COLEC10: variants seen among roughly 807,000 people sequenced by gnomAD.
COLEC10 encodes the protein collectin subfamily member 10.
COLEC10 carries 22 observed loss-of-function variants against 28.4 expected under a neutral mutation model. That is an observed-to-expected ratio of 0.78 (90% CI 0.55 to 1.11). COLEC10 has a LOEUF of 1.11. Among genes scored for constraint, COLEC10 ranks in the 50% least tolerant of loss-of-function variants. COLEC10 has a pLI of 0.00. For missense variants in COLEC10, 361 were observed against 344.1 expected (o/e 1.05, Z -0.39); for synonymous variants, 125 against 116.1 (o/e 1.08, Z -0.49).
chr8:119,078,089 G>A (rs1169683204), intron 1 of COLEC10, among the ~76,000 whole-genome samples: 2 of 152,200 alleles, frequency 1.3e-5, no homozygotes, highest in Non-Finnish European at 2.9e-5. Flanking sequence ...GGAGCACCAA[G>A]TCATGCATGA....
chr8:119,106,466 T>A lies in COLEC10; in HGVS notation c.*275T>A. Reference sequence around the variant, plus strand: ...TGCACGAGATAGTTGGTTGTCTATATGTCAAATGAGTTGTTCTCTTGGTAT... The same window carrying A: ...TGCACGAGATAGTTGGTTGTCTATAAGTCAAATGAGTTGTTCTCTTGGTAT... On this transcript the variant is annotated 3_prime_UTR_variant, in exon 6 of 6. Transcript: ENST00000332843. 3.1e-6 allele frequency: 1 copy of A among 325,962 alleles called. No individual in the cohort carries two copies. The highest frequency in any genetic ancestry group is 4.5e-5 in the South Asian group (1 of 22,264). The allele number at this position is 325,962 out of a possible 1,614,324, so 20.2% of individuals were successfully genotyped here. A position where few individuals can be genotyped will look rare whatever the true frequency, so the allele number is the denominator to read the frequency against.
At chr8:119,007,475 A>T (rs951999105) in intron 1 of COLEC10, among the ~76,000 whole-genome samples, 3 of 145,948 alleles carry the variant, frequency 2.1e-5, no homozygotes, top group African/African-American at 8.4e-5. Flanking sequence ...ATTGGGATTT[A>T]CCCATTTTGG....
chr8:119,078,990 TACAC>T (rs59453751), intron 1 of COLEC10, among the ~76,000 whole-genome samples: 4,391 of 142,812 alleles, frequency 0.031, 68 homozygotes, highest in South Asian at 0.043. Context: ...TGGGAAAACG[TACAC>T]ACACACACAC....
the COLEC10 span, among the ~76,000 whole-genome samples, chr8:118,965,956 G>A: frequency 6.6e-6 from 1 of 151,866 alleles, no homozygotes; most frequent in South Asian, 2.1e-4. Flanking sequence ...TCTAGTGAGG[G>A]GTTAAACTGA....
chr8:119,012,768 G>A (rs1586997493), intron 2 of COLEC10, among the ~76,000 whole-genome samples: 1 of 150,394 alleles, frequency 6.6e-6, no homozygotes, highest in East Asian at 1.9e-4. Context: ...AATTTTTGTA[G>A]TATTATTTTC....
chr8:119,099,489 G>A (rs148778269), intron 3 of COLEC10, among the ~76,000 whole-genome samples: 1 of 152,054 alleles, frequency 6.6e-6, no homozygotes, highest in African/African-American at 2.4e-5. Context: ...AGAAAAGGAG[G>A]CTTAGAGAAA....
intron 1 of COLEC10, among the ~76,000 whole-genome samples, chr8:119,086,502 G>A (rs533137872): frequency 1.3e-5 from 2 of 152,204 alleles, no homozygotes; most frequent in African/African-American, 4.8e-5. Context: ...GGCTCAAGTT[G>A]TTTACTTCAT....
rs191245924 is a variant in COLEC10 at position 118,996,979 on chromosome 8, C to T, written n.122+1406C>T. 3.5e-4 allele frequency among the ~76,000 whole-genome samples: 53 copies of T among 152,288 alleles called. No homozygotes were observed. In the East Asian group the frequency reaches 7.9e-3, roughly 23 times the overall value. ...CAGGGGTGGCATCAAGCCATTCATG[C>T]GGGATCCACCCCCATGACAAACGCC... On this transcript the variant is annotated intron_variant and non_coding_transcript_variant, in intron 1 of 6. Transcript: ENST00000521788.
chr8:119,039,233 C>T (rs1159905661), intron 2 of COLEC10, among the ~76,000 whole-genome samples: 3 of 152,088 alleles, frequency 2.0e-5, no homozygotes, highest in Non-Finnish European at 4.4e-5. Flanking sequence ...CCAATCCCAC[C>T]CACAAACCCA....
At chr8:118,990,744 C>T (rs118115298), upstream of COLEC10, among the ~76,000 whole-genome samples, 1,736 of 152,148 alleles carry the variant, frequency 0.011, 20 homozygotes, top group Middle Eastern at 0.02. Context: ...GGAACCACAT[C>T]AAGGCAGATG....
intron 2 of COLEC10, among the ~76,000 whole-genome samples, chr8:119,061,441 TGA>T (rs753656010): frequency 1.3e-4 from 19 of 147,622 alleles, no homozygotes; most frequent in Middle Eastern, 3.5e-3. Flanking sequence ...TAGCTGGTAT[TGA>T]AAAAAAAAAA....
At chr8:119,031,176 G>C (rs1814280790) in intron 2 of COLEC10, among the ~76,000 whole-genome samples, 1 of 152,198 alleles carries the variant, frequency 6.6e-6, no homozygotes, top group Admixed American at 6.5e-5. Context: ...GAAGTACATA[G>C]ACCAAATGAA....
the COLEC10 span, among the ~76,000 whole-genome samples, chr8:118,965,328 T>C: frequency 6.6e-6 from 1 of 152,174 alleles, no homozygotes; most frequent in Non-Finnish European, 1.5e-5. Flanking sequence ...GGTTTTGTTC[T>C]TACGTTTTTC....
At chr8:119,065,726 T>G (rs1814941470), upstream of COLEC10, among the ~76,000 whole-genome samples, 1 of 151,352 alleles carries the variant, frequency 6.6e-6, no homozygotes, top group Non-Finnish European at 1.5e-5. Context: ...GGTGCAGTGG[T>G]GTACACCTGT....
chr8:119,062,561 C>G (rs1033169326), upstream of COLEC10, among the ~76,000 whole-genome samples: 11 of 151,838 alleles, frequency 7.2e-5, no homozygotes, highest in Admixed American at 3.3e-4. Flanking sequence ...CTCACTGCGA[C>G]CTCCGCCCCC....
chr8:119,070,556 C>T (rs1318958017), intron 1 of COLEC10, among the ~76,000 whole-genome samples: 1 of 58,338 alleles, frequency 1.7e-5, no homozygotes, highest in Non-Finnish European at 3.2e-5. Flanking sequence ...CTCTCCCTCT[C>T]TCTCTCTCTC....
At chr8:118,982,711 G>C in the COLEC10 span, 1 of 156,234 alleles carries the variant, frequency 6.4e-6, no homozygotes. Flanking sequence ...GAGCTACAGT[G>C]GCATCAACTG....
At chr8:119,028,870 G>C (rs1166570134) in intron 2 of COLEC10, among the ~76,000 whole-genome samples, 1 of 152,148 alleles carries the variant, frequency 6.6e-6, no homozygotes, top group African/African-American at 2.4e-5. Flanking sequence ...GTAATTAATG[G>C]TATTTGTTCA....
the COLEC10 span, among the ~76,000 whole-genome samples, chr8:118,981,435 T>G: frequency 6.6e-6 from 1 of 152,100 alleles, no homozygotes; most frequent in African/African-American, 2.4e-5. Flanking sequence ...TTTAATGCTT[T>G]TAGGAATACT....
Sources: allele counts gnomAD v4.1 joint callset (sites outside exome capture counted in the v4.1 genomes callset), GRCh38; gene constraint gnomAD v4.1.1; transcripts MANE v1.5; gene names NCBI Gene and HGNC (gene_info 2026-07-23, HGNC 2026-07-21).